HEMK2: variants seen among roughly 807,000 people sequenced by gnomAD.
The protein encoded by HEMK2 is HemK methyltransferase 2, ETF1 glutamine and histone H4 lysine, also known as methyltransferase HEMK2.
chr21:28,878,343 A>T, the HEMK2 span: 3 of 1,611,784 alleles, frequency 1.9e-6, no homozygotes. Flanking sequence ...CCTGTGAACA[A>T]TTAGAAAGAA....
the HEMK2 span, among the ~76,000 whole-genome samples, chr21:28,733,319 G>C: frequency 6.6e-6 from 1 of 152,090 alleles, no homozygotes; most frequent in Non-Finnish European, 1.5e-5. Flanking sequence ...TTAAGAATAA[G>C]CAGCAATATT....
the HEMK2 span, among the ~76,000 whole-genome samples, chr21:28,867,270 A>G: frequency 6.6e-6 from 1 of 152,270 alleles, no homozygotes; most frequent in Non-Finnish European, 1.5e-5. Context: ...GAATAAATGA[A>G]TAGTGGAATA....
At chr21:28,775,514 C>T in the HEMK2 span, among the ~76,000 whole-genome samples, 3 of 152,098 alleles carry the variant, frequency 2.0e-5, no homozygotes, top group East Asian at 5.8e-4. Context: ...TAAGCTTTAG[C>T]CATAGCCATG....
At chr21:28,668,099 C>T in the HEMK2 span, among the ~76,000 whole-genome samples, 1 of 152,114 alleles carries the variant, frequency 6.6e-6, no homozygotes, top group Non-Finnish European at 1.5e-5. Context: ...AATTTTCCCC[C>T]TTTTCAGCAT....
the HEMK2 span, among the ~76,000 whole-genome samples, chr21:28,700,358 A>C: frequency 6.6e-6 from 1 of 152,168 alleles, no homozygotes; most frequent in Non-Finnish European, 1.5e-5. Context: ...GCTTTCTCAA[A>C]AAACAAGGGG....
At chr21:28,771,678 A>C in the HEMK2 span, among the ~76,000 whole-genome samples, 2 of 152,078 alleles carry the variant, frequency 1.3e-5, no homozygotes, top group African/African-American at 4.8e-5. Flanking sequence ...GTCTTGTTTT[A>C]GGTTAATCTT....
chr21:28,667,399 A>G, the HEMK2 span, among the ~76,000 whole-genome samples: 1 of 152,176 alleles, frequency 6.6e-6, no homozygotes, highest in Non-Finnish European at 1.5e-5. Context: ...TCTAAACCAA[A>G]ACTATGAGAA....
the HEMK2 span, among the ~76,000 whole-genome samples, chr21:28,613,001 C>G: frequency 6.6e-6 from 1 of 151,908 alleles, no homozygotes; most frequent in Non-Finnish European, 1.5e-5. Flanking sequence ...TGAAAATGAC[C>G]ATACTGCCAA....
At chr21:28,773,092 C>T in the HEMK2 span, among the ~76,000 whole-genome samples, 2 of 152,138 alleles carry the variant, frequency 1.3e-5, no homozygotes, top group East Asian at 3.9e-4. Context: ...TCTCTTAGAA[C>T]AGGTAGCTCT....
At chr21:28,881,769 C>T in the HEMK2 span, among the ~76,000 whole-genome samples, 8 of 151,754 alleles carry the variant, frequency 5.3e-5, no homozygotes, top group South Asian at 2.1e-4. Flanking sequence ...GTAGCTGGCA[C>T]GACAGGTGCG....
chr21:28,713,324 C>T, the HEMK2 span, among the ~76,000 whole-genome samples: 2 of 152,156 alleles, frequency 1.3e-5, no homozygotes, highest in African/African-American at 4.8e-5. Context: ...TACTCCGCCA[C>T]TCTATTAACA....
At chr21:28,803,809 T>C in the HEMK2 span, among the ~76,000 whole-genome samples, 5 of 152,246 alleles carry the variant, frequency 3.3e-5, no homozygotes. Context: ...CCATTTCTAT[T>C]TCTTGGGTAC....
At chr21:28,787,827 C>T in the HEMK2 span, among the ~76,000 whole-genome samples, 2 of 152,118 alleles carry the variant, frequency 1.3e-5, no homozygotes, top group Admixed American at 6.5e-5. Context: ...GAAAGTAGAA[C>T]TACCATTTGA....
At chr21:28,715,953 G>C in the HEMK2 span, among the ~76,000 whole-genome samples, 2 of 152,032 alleles carry the variant, frequency 1.3e-5, no homozygotes, top group Non-Finnish European at 2.9e-5. Context: ...ATGATTGTAC[G>C]CAGGAGGCTT....
At chr21:28,845,267 A>G in the HEMK2 span, among the ~76,000 whole-genome samples, 1 of 152,120 alleles carries the variant, frequency 6.6e-6, no homozygotes, top group Non-Finnish European at 1.5e-5. Context: ...TATTAAACTC[A>G]TCTATACTGG....
the HEMK2 span, among the ~76,000 whole-genome samples, chr21:28,816,552 A>G: frequency 5.3e-5 from 8 of 152,256 alleles, no homozygotes; most frequent in African/African-American, 1.9e-4. Flanking sequence ...ATGGTGGCAT[A>G]CGCTTGTAGT....
the HEMK2 span, among the ~76,000 whole-genome samples, chr21:28,588,225 T>C: frequency 4.6e-5 from 7 of 152,178 alleles, no homozygotes; most frequent in Non-Finnish European, 8.8e-5. Flanking sequence ...AAAAAAGTGT[T>C]GTAAGAAAGC....
chr21:28,838,972 A>AAAAAAAAATATATAT, the HEMK2 span, among the ~76,000 whole-genome samples: 4 of 29,156 alleles, frequency 1.4e-4, no homozygotes, highest in African/African-American at 1.9e-4. Context: ...AAAAAAAAAA[A>AAAAAAAAATATATAT]ATATATATAT....
At chr21:28,629,562 T>C in the HEMK2 span, among the ~76,000 whole-genome samples, 2 of 152,220 alleles carry the variant, frequency 1.3e-5, no homozygotes, top group African/African-American at 4.8e-5. Flanking sequence ...GCAGAGCAGC[T>C]AGAAGAGTGG....
Sources: gnomAD v4.1 joint callset for allele counts (sites outside exome capture counted in the v4.1 genomes callset) on GRCh38, gnomAD v4.1.1 for gene constraint, MANE v1.5 for transcripts, NCBI Gene and HGNC (gene_info 2026-07-23, HGNC 2026-07-21) for gene names.